TCF7L2: variants seen among roughly 807,000 people sequenced by gnomAD.
TCF7L2 encodes transcription factor 7-like 2.
TCF7L2 carries 23 observed loss-of-function variants against 77.9 expected under a neutral mutation model. That is an observed-to-expected ratio of 0.30 (90% CI 0.21 to 0.42). The LOEUF is 0.42. TCF7L2 is among the 10% of genes least tolerant of loss of function. The pLI, the probability that TCF7L2 is intolerant of heterozygous loss-of-function variation, is 1.00. For missense variants in TCF7L2, 654 were observed against 793.1 expected (o/e 0.82, Z 2.11); for synonymous variants, 413 against 340.2 (o/e 1.21, Z -2.36).
chr10:113,016,129 A>G (rs2133757438), intron 4 of TCF7L2, among the ~76,000 whole-genome samples: 1 of 149,836 alleles, frequency 6.7e-6, no homozygotes, highest in Middle Eastern at 3.4e-3. Context: ...CAGTGGTGTG[A>G]TCTCGGCTCA....
chr10:113,163,199 G>A (rs982121587), intron 13 of TCF7L2, among the ~76,000 whole-genome samples: 4 of 152,042 alleles, frequency 2.6e-5, no homozygotes, highest in African/African-American at 7.2e-5. Context: ...AAACTTCCAC[G>A]TCATGAGGGT....
chr10:113,129,300 T>C (rs1459413695), intron 5 of TCF7L2: 1 of 986,108 alleles, frequency 1.0e-6, no homozygotes, highest in African/African-American at 1.7e-5. Context: ...TGCACTCGGT[T>C]GATCATTTTC....
rs897029237 is a variant in TCF7L2 at position 113,007,735 on chromosome 10, G to A, written c.451-32290G>A. Among the ~76,000 whole-genome samples, 132 of 152,318 alleles carry A rather than the reference G, an allele frequency of 8.7e-4. 1 individual carries two copies. The highest frequency in any genetic ancestry group is 3.0e-3 in the African/African-American group (124 of 41,574). The stretch of plus-strand genomic sequence containing the variant: ...ATTTTCCTTGGAAGTGTGAAAACTT[G>A]GGGGAGAAGATGTTTGTAGGAGGGC... On this transcript the variant is annotated intron_variant, in intron 4 of 13. Transcript: ENST00000627217.
chr10:113,125,291 T>A (rs374084160), intron 5 of TCF7L2, among the ~76,000 whole-genome samples: 1 of 152,034 alleles, frequency 6.6e-6, no homozygotes, highest in East Asian at 1.9e-4. Flanking sequence ...GAATAAAATC[T>A]GGACAGCTGT....
chr10:113,102,111 C>CAAA (rs139047649), intron 5 of TCF7L2, among the ~76,000 whole-genome samples: 9 of 71,740 alleles, frequency 1.3e-4, no homozygotes, highest in East Asian at 1.2e-3. Flanking sequence ...GTGACTCCAT[C>CAAA]AAAAAAAAAA....
chr10:113,015,547 C>T lies in TCF7L2; in HGVS notation c.451-24478C>T, dbSNP rs547126151. ...TCACTGCACACAGCTCACTGCACTG[C>T]AGCCTCAAACACCTGGGCTCAAGCA... On this transcript the variant is annotated intron_variant, in intron 4 of 13. Coordinates refer to ENST00000627217, the MANE Select transcript of TCF7L2 (RefSeq NM_001146274.2). Among the ~76,000 whole-genome samples the T allele has an allele frequency of 1.4e-4, 21 of 151,362 alleles. 1 individual carries two copies. The South Asian group carries it at 4.2e-3, about 30-fold the overall frequency.
intron 5 of TCF7L2, among the ~76,000 whole-genome samples, chr10:113,109,203 A>G (rs1231850698): frequency 6.6e-6 from 1 of 152,170 alleles, no homozygotes; most frequent in East Asian, 1.9e-4. Context: ...GGATTTAGCC[A>G]TGGGATTGGG....
At chr10:113,066,542 G>C (rs1421602312) in intron 5 of TCF7L2, among the ~76,000 whole-genome samples, 2 of 152,102 alleles carry the variant, frequency 1.3e-5, no homozygotes, top group Non-Finnish European at 2.9e-5. Flanking sequence ...TATATAATTT[G>C]AATAAAAGCT....
intron 4 of TCF7L2, among the ~76,000 whole-genome samples, chr10:113,025,758 A>AG (rs767872394): frequency 6.6e-6 from 1 of 152,180 alleles, no homozygotes; most frequent in African/African-American, 2.4e-5. Flanking sequence ...CACATTTTAC[A>AG]GGCAAGGATC....
chr10:112,987,245 A>G (rs1353921291), intron 4 of TCF7L2, among the ~76,000 whole-genome samples: 1 of 152,148 alleles, frequency 6.6e-6, no homozygotes, highest in East Asian at 1.9e-4. Flanking sequence ...TAGCTTTGCT[A>G]CTTTGTGACT....
intron 5 of TCF7L2, among the ~76,000 whole-genome samples, chr10:113,062,209 T>C (rs1180390903): frequency 6.6e-6 from 1 of 152,168 alleles, no homozygotes; most frequent in Non-Finnish European, 1.5e-5. Context: ...CTTCCAAGGC[T>C]AAAGTTTGGA....
intron 4 of TCF7L2, among the ~76,000 whole-genome samples, chr10:112,991,357 G>A (rs1470909451): frequency 6.6e-6 from 1 of 151,814 alleles, no homozygotes; most frequent in Non-Finnish European, 1.5e-5. Context: ...ATGAAACCCC[G>A]TCTCTATGTG....
chr10:113,144,277 G>C (rs7903424), intron 7 of TCF7L2, among the ~76,000 whole-genome samples: 10 of 151,830 alleles, frequency 6.6e-5, no homozygotes, highest in Non-Finnish European at 1.5e-4. Context: ...AGCATTCCGC[G>C]ACCATGGTCC....
intron 4 of TCF7L2, among the ~76,000 whole-genome samples, chr10:113,030,270 T>C (rs1325977538): frequency 6.6e-6 from 1 of 152,236 alleles, no homozygotes; most frequent in African/African-American, 2.4e-5. Flanking sequence ...TACTGAATAG[T>C]ATTCCATTTT....
chr10:113,083,528 G>A (rs994492400), intron 5 of TCF7L2, among the ~76,000 whole-genome samples: 1 of 152,206 alleles, frequency 6.6e-6, no homozygotes, highest in African/African-American at 2.4e-5. Context: ...TATTTCAGAT[G>A]TAATTAGTTC....
chr10:113,156,404 G>T (rs564699985), intron 11 of TCF7L2, among the ~76,000 whole-genome samples: 1 of 152,164 alleles, frequency 6.6e-6, no homozygotes, highest in Non-Finnish European at 1.5e-5. Flanking sequence ...GTGAGCCACC[G>T]CACCTGGACC....
intron 5 of TCF7L2, among the ~76,000 whole-genome samples, chr10:113,108,411 A>G (rs781369971): frequency 5.3e-5 from 8 of 151,512 alleles, no homozygotes; most frequent in Non-Finnish European, 5.9e-5. Flanking sequence ...ACTTGGGGCA[A>G]TCGCTCATGG....
At chr10:113,078,002 C>T (rs924764601) in intron 5 of TCF7L2, among the ~76,000 whole-genome samples, 6 of 151,748 alleles carry the variant, frequency 4.0e-5, no homozygotes, top group Admixed American at 3.9e-4. Context: ...TCCCAAAGTG[C>T]TGGGATTACA....
chr10:113,146,161 A>G, intron 8 of TCF7L2, 64 bp downstream of exon 8: 1 of 1,493,854 alleles, frequency 6.7e-7, no homozygotes, highest in Non-Finnish European at 9.3e-7. Context: ...AGTTCTCTAG[A>G]TGGCCACCAA....
Sources: allele counts gnomAD v4.1 joint callset (sites outside exome capture counted in the v4.1 genomes callset), GRCh38; gene constraint gnomAD v4.1.1; transcripts MANE v1.5; gene names NCBI Gene and HGNC (gene_info 2026-07-23, HGNC 2026-07-21).